Variants in TCEANC2 observed in about 807,000 individuals in gnomAD.
The protein encoded by TCEANC2 is transcription elongation factor A N-terminal and central domain-containing protein 2.
In TCEANC2, 20 loss-of-function variants were observed where a neutral mutation model predicts 22.8. The observed-to-expected ratio is 0.88, with a 90% CI of 0.62 to 1.28. The LOEUF is 1.28. Ranked by LOEUF, TCEANC2 falls within the 50% of genes most tolerant of loss-of-function variation. TCEANC2 has a pLI of 0.00. For missense variants in TCEANC2, 251 were observed against 249.7 expected (o/e 1.01, Z -0.03); for synonymous variants, 84 against 95.5 (o/e 0.88, Z 0.70).
In TCEANC2 at chr1:54,096,476, T is replaced by C. The variant is rs1658556815; in HGVS notation, c.*3T>C. ...TTGTACAGACCCACAAAAAGTGACC[T>C]GAGGACGGTTCCAGCCCTGGGCCAG... is the stretch of plus-strand genomic sequence containing the variant. On this transcript the variant is annotated 3_prime_UTR_variant, in exon 5 of 5. Coordinates refer to ENST00000234827, the MANE Select transcript of TCEANC2 (RefSeq NM_153035.3). This position sits in a 1 kb window ranked among gnomAD's most constrained non-coding sequence, Gnocchi z 4.9. 3.1e-6 allele frequency: 5 copies of C among 1,592,344 alleles called. No individual in the cohort carries two copies. Among genetic ancestry groups the C allele is most frequent in the Non-Finnish European group, 3.4e-6 (4 of 1,162,098 alleles).
At chr1:54,085,543 T>A (rs758620067) in intron 3 of TCEANC2, among the ~76,000 whole-genome samples, 56 of 152,308 alleles carry the variant, frequency 3.7e-4, no homozygotes, top group Non-Finnish European at 7.1e-4. Context: ...TCAATGTTGT[T>A]ACTTTATAAT....
At chr1:54,111,239 G>A (rs12093973) in exon 5 of TCEANC2, 16,570 of 152,280 alleles carry the variant, frequency 0.11, 2,226 homozygotes, top group African/African-American at 0.32. Context: ...TCCATGGGAA[G>A]AGCTAATCCC....
At chr1:54,087,811 T>G (rs1363764308) in intron 3 of TCEANC2, among the ~76,000 whole-genome samples, 1 of 152,202 alleles carries the variant, frequency 6.6e-6, no homozygotes, top group Non-Finnish European at 1.5e-5. Flanking sequence ...AGAAACCATA[T>G]CTGTTGTCCT....
intron 3 of TCEANC2, among the ~76,000 whole-genome samples, chr1:54,076,863 A>T (rs1160785640): frequency 1.3e-5 from 2 of 152,198 alleles, no homozygotes; most frequent in Non-Finnish European, 2.9e-5. Flanking sequence ...AACATAATAA[A>T]CAAATTGTGT....
In TCEANC2 at chr1:54,061,011, G is replaced by A. The variant is rs1390220123; in HGVS notation, c.102+6487G>A. Among the ~76,000 whole-genome samples the A allele has an allele frequency of 2.6e-5, 4 of 152,034 alleles. No individual in the cohort carries two copies. In the East Asian group the frequency reaches 7.7e-4, roughly 29 times the overall value. On this transcript the variant is annotated intron_variant, in intron 2 of 4. Coordinates refer to ENST00000234827, the MANE Select transcript of TCEANC2 (RefSeq NM_153035.3). ...GTCCCTGTTTTAGTGCCCAAAGAAG[G>A]CTATGTGGCAGGGCACCATAAAGGG...
chr1:54,106,373 C>T (rs890226289), downstream of TCEANC2, among the ~76,000 whole-genome samples: 1 of 152,058 alleles, frequency 6.6e-6, no homozygotes, highest in African/African-American at 2.4e-5. Context: ...TTTAATTTTC[C>T]AGTAGCCACA....
At chr1:54,074,288 C>T (rs891574259) in intron 3 of TCEANC2, among the ~76,000 whole-genome samples, 6 of 151,986 alleles carry the variant, frequency 3.9e-5, no homozygotes, top group African/African-American at 1.5e-4. Flanking sequence ...ACAGTGAAAC[C>T]CCCTCTCTAC....
intron 3 of TCEANC2, among the ~76,000 whole-genome samples, chr1:54,071,484 T>C (rs1658054986): frequency 6.6e-6 from 1 of 152,144 alleles, no homozygotes. Flanking sequence ...GCTCATGACA[T>C]GGCAGCTGAC....
chr1:54,101,124 A>G lies in TCEANC2; in HGVS notation c.*4651A>G, dbSNP rs912445264. The G allele has an allele frequency of 6.6e-6, 1 of 152,192 alleles. No homozygotes were observed. The allele number at this position is 152,192 out of a possible 1,614,324, so 9.4% of individuals were successfully genotyped here. On this transcript the variant is annotated 3_prime_UTR_variant, in exon 5 of 5. Coordinates refer to ENST00000234827, the MANE Select transcript of TCEANC2 (RefSeq NM_153035.3). ...CATTTATAGAATATCAGGTTCTTAA[A>G]CTTGTGCCTGTCAACCTTGGTTTTC...
At chr1:54,057,418 T>C (rs1448307512) in intron 2 of TCEANC2, among the ~76,000 whole-genome samples, 1 of 148,692 alleles carries the variant, frequency 6.7e-6, no homozygotes, top group Non-Finnish European at 1.5e-5. Context: ...CTTGAACTTC[T>C]GGGCTCAAGC....
At chr1:54,093,505 C>T (rs1425313654) in intron 4 of TCEANC2, among the ~76,000 whole-genome samples, 1 of 152,158 alleles carries the variant, frequency 6.6e-6, no homozygotes, top group Non-Finnish European at 1.5e-5. Flanking sequence ...AAGAGGCATG[C>T]ATGAGAATTG....
chr1:54,080,111 G>C (rs921307423), intron 3 of TCEANC2, among the ~76,000 whole-genome samples: 5 of 151,646 alleles, frequency 3.3e-5, no homozygotes, highest in Non-Finnish European at 7.4e-5. Context: ...GGACTATGGA[G>C]AGATGCTCAT....
chr1:54,058,647 T>C (rs1053316824), intron 2 of TCEANC2, among the ~76,000 whole-genome samples: 1 of 152,120 alleles, frequency 6.6e-6, no homozygotes, highest in African/African-American at 2.4e-5. Flanking sequence ...TATTTCTTGC[T>C]GTTCTTTGTT....
intron 2 of TCEANC2, among the ~76,000 whole-genome samples, chr1:54,057,629 G>A (rs998671109): frequency 3.3e-5 from 5 of 151,998 alleles, no homozygotes; most frequent in Middle Eastern, 3.4e-3. Context: ...TTGACATCCC[G>A]CATTCACCTC....
At chr1:54,078,109 A>G (rs1423108875) in intron 3 of TCEANC2, among the ~76,000 whole-genome samples, 1 of 152,246 alleles carries the variant, frequency 6.6e-6, no homozygotes, top group African/African-American at 2.4e-5. Context: ...TGTGCTGCAT[A>G]GAATGAATTG....
At chr1:54,067,691 G>A (rs1001205584) in intron 2 of TCEANC2, among the ~76,000 whole-genome samples, 1 of 152,172 alleles carries the variant, frequency 6.6e-6, no homozygotes, top group Admixed American at 6.5e-5. Flanking sequence ...CTTCTAGGCT[G>A]GAAGCAGACA....
chr1:54,066,200 T>G (rs1322113503), intron 2 of TCEANC2, among the ~76,000 whole-genome samples: 1 of 150,570 alleles, frequency 6.6e-6, no homozygotes, highest in Admixed American at 6.6e-5. Flanking sequence ...CAGTGAGCTA[T>G]GATTGTTACC....
At chr1:54,076,568 G>C (rs1658146493) in intron 3 of TCEANC2, among the ~76,000 whole-genome samples, 1 of 152,104 alleles carries the variant, frequency 6.6e-6, no homozygotes, top group South Asian at 2.1e-4. Flanking sequence ...GTGAAGGTGG[G>C]TATCTTCTTA....
Position 54,096,230 on chromosome 1 carries a change from C to T in TCEANC2, c.439-55C>T. 6.5e-7 allele frequency: 1 copy of T among 1,540,436 alleles called. No homozygotes were observed. Among genetic ancestry groups the T allele is most frequent in the Non-Finnish European group, 8.8e-7 (1 of 1,134,058 alleles). On this transcript the variant is annotated intron_variant, in intron 4 of 4. Transcript: ENST00000234827. This position sits in a 1 kb window ranked among gnomAD's most constrained non-coding sequence, Gnocchi z 4.9. The stretch of plus-strand genomic sequence containing the variant: ...GAGCAGAGTGCTCCAGCCTCTCTTG[C>T]TTTTAATCCTTACGCAATGTAAGGC...
Sources: gnomAD v4.1 joint callset for allele counts (sites outside exome capture counted in the v4.1 genomes callset) on GRCh38, gnomAD v4.1.1 for gene constraint, Gnocchi (gnomAD v3.1) non-coding constraint, MANE v1.5 for transcripts, NCBI Gene and HGNC (gene_info 2026-07-23, HGNC 2026-07-21) for gene names.